Variants in RILPL1 observed in about 807,000 individuals in gnomAD.
RILPL1 encodes the protein RILP-like protein 1.
Under a neutral mutation model 50.3 loss-of-function variants are expected in RILPL1, and 33 were observed. The observed-to-expected ratio is 0.66, with a 90% confidence interval of 0.50 to 0.88. RILPL1 has a LOEUF of 0.88. RILPL1 is among the 40% of genes least tolerant of loss of function. RILPL1 has a pLI of 0.00. For synonymous variants in RILPL1, 205 were observed against 228.6 expected (o/e 0.90, Z 0.93); for missense variants, 418 against 542.5 (o/e 0.77, Z 2.28).
intron 2 of RILPL1, among the ~76,000 whole-genome samples, chr12:123,516,034 A>C (rs1212242721): frequency 2.6e-5 from 2 of 76,572 alleles, no homozygotes. Flanking sequence ...ACTCTGTCTC[A>C]AAAAAAAAAA....
rs560304303 is a variant in RILPL1 at position 123,522,327 on chromosome 12, A to G, written c.460+1168T>C. Among the ~76,000 whole-genome samples, 17 of 152,306 alleles carry G rather than the reference A, an allele frequency of 1.1e-4. 1 individual carries two copies. In the South Asian group the frequency reaches 3.5e-3, roughly 32 times the overall value. On this transcript the variant is annotated intron_variant, in intron 2 of 6. Transcript: ENST00000376874. The surrounding 1 kb of genome is among the most constrained non-coding windows in gnomAD (Gnocchi z 4.0). The stretch of plus-strand genomic sequence containing the variant: ...CCGCCTGGCCCGAATCTTGCGGCCC[A>G]TTTGTCCTTTTCCCAGCACCAGCAG...
Position 123,484,263 on chromosome 12 carries a change from C to T in RILPL1, c.984G>A (p.Met328Ile), listed in dbSNP as rs762942790. Residue 328 changes from methionine (M) to isoleucine (I), a missense_variant, in exon 6 of 7, where the codon ATG becomes ATA. Transcript: ENST00000376874. ...GTTGGGGTATTCGGTTTTCCTCTTC[C>T]ATTTCTTCACTGGAAGGAGATGAGA... ...EELAYYKSEE[M>I]EEENRIPQPP... The T allele has an allele frequency of 6.2e-7, 1 of 1,606,206 alleles. No homozygotes were observed. The highest frequency in any genetic ancestry group is 1.1e-5 in the South Asian group (1 of 90,928).
chr12:123,499,765 G>C (rs1482546474), intron 2 of RILPL1, among the ~76,000 whole-genome samples: 3 of 151,736 alleles, frequency 2.0e-5, no homozygotes, highest in African/African-American at 4.8e-5. Context: ...TTGCCCATCA[G>C]TCCCTTCCTT....
rs1313788180 is a variant in RILPL1 at position 123,522,786 on chromosome 12, G to A, written c.460+709C>T. ...TTTTAAAAAAATCGTTAGTAGAGACGGGGTCTATGTTGCCCAGGCTGGTCT... is the reference window on the plus strand; with the variant it reads ...TTTTAAAAAAATCGTTAGTAGAGACAGGGTCTATGTTGCCCAGGCTGGTCT... On this transcript the variant is annotated intron_variant, in intron 2 of 6. Transcript: ENST00000376874. This position sits in a 1 kb window ranked among gnomAD's most constrained non-coding sequence, Gnocchi z 4.0. Among the ~76,000 whole-genome samples the A allele has an allele frequency of 2.0e-5, 3 of 151,946 alleles. No individual in the cohort carries two copies. Among genetic ancestry groups the A allele is most frequent in the Admixed American group, 6.6e-5 (1 of 15,234 alleles).
Position 123,533,557 on chromosome 12 carries a change from C to A in RILPL1, c.-75G>T. The stretch of plus-strand genomic sequence containing the variant: ...AACTTGCCGCTGTCGAGGGCCGGGC[C>A]GGCCGGGCCCAGCCTGGGCCGCGGG... On this transcript the variant is annotated 5_prime_UTR_variant, in exon 1 of 7. Transcript: ENST00000376874. The surrounding 1 kb of genome is among the most constrained non-coding windows in gnomAD (Gnocchi z 6.2). 7.7e-7 allele frequency: 1 copy of A among 1,306,508 alleles called. No individual in the cohort carries two copies. Among genetic ancestry groups the A allele is most frequent in the Non-Finnish European group, 9.9e-7 (1 of 1,006,190 alleles). The allele number at this position is 1,306,508 out of a possible 1,614,324, so 80.9% of individuals were successfully genotyped here. A position where few individuals can be genotyped will look rare whatever the true frequency, so the allele number is the denominator to read the frequency against.
chr12:123,512,495 TGTG>T (rs1402590886), intron 2 of RILPL1, among the ~76,000 whole-genome samples: 3 of 132,436 alleles, frequency 2.3e-5, no homozygotes, highest in African/African-American at 8.7e-5. Flanking sequence ...TCTGTGTGTG[TGTG>T]GTGTGAGATC....
intron 5 of RILPL1, chr12:123,484,948 C>T (rs1456941584): frequency 4.8e-5 from 15 of 311,344 alleles, no homozygotes; most frequent in South Asian, 1.3e-4. Context: ...CATGAGCCAC[C>T]GCGCCCGGCC....
intron 6 of RILPL1, chr12:123,475,835 G>A (rs1223121732): frequency 2.5e-6 from 2 of 811,478 alleles, no homozygotes; most frequent in Non-Finnish European, 4.1e-6. Flanking sequence ...ACCAGTGGAA[G>A]GGTTTGATTA....
rs561060878 is a variant in RILPL1, at chr12:123,493,185, T to C, written c.801+5359A>G. ...TCTACTGAGATAGGGAAAAACCGCC[T>C]TAAGGCTGGAGGTGGGACATGCGGG... is the stretch of plus-strand genomic sequence containing the variant. On this transcript the variant is annotated intron_variant, in intron 4 of 6. Transcript: ENST00000376874. Among the ~76,000 whole-genome samples, 113 of 152,354 alleles carry C rather than the reference T, an allele frequency of 7.4e-4. No individual in the cohort carries two copies. The South Asian group carries it at 0.015, about 20-fold the overall frequency.
At chr12:123,484,787 G>C (rs1247594147) in intron 5 of RILPL1, 4 of 234,864 alleles carry the variant, frequency 1.7e-5, no homozygotes, top group Non-Finnish European at 3.4e-5. Flanking sequence ...CTCCCAAGTG[G>C]CTGGGACTAC....
chr12:123,484,051 G>A (rs936623004), intron 6 of RILPL1, 129 bp downstream of exon 6: 1 of 631,084 alleles, frequency 1.6e-6, no homozygotes, highest in Admixed American at 2.8e-5. Context: ...CGGGGGCCAG[G>A]CCAGACGTCT....
At chr12:123,486,288 C>T (rs1882328552) in intron 4 of RILPL1, among the ~76,000 whole-genome samples, 1 of 152,110 alleles carries the variant, frequency 6.6e-6, no homozygotes, top group Non-Finnish European at 1.5e-5. Context: ...TGTTATGGGC[C>T]TTCTGGTTAG....
At chr12:123,495,950 A>G (rs545453614) in intron 4 of RILPL1, among the ~76,000 whole-genome samples, 2 of 150,292 alleles carry the variant, frequency 1.3e-5, no homozygotes, top group Admixed American at 6.6e-5. Flanking sequence ...CAACTCTTAA[A>G]CCATTTTAAC....
chr12:123,519,069 AAAAAAG>A (rs1400038175), intron 2 of RILPL1, among the ~76,000 whole-genome samples: 7 of 149,236 alleles, frequency 4.7e-5, no homozygotes, highest in African/African-American at 9.8e-5. Flanking sequence ...AAAAAAAAAA[AAAAAAG>A]AAAAGAAAAA....
intron 1 of RILPL1, among the ~76,000 whole-genome samples, chr12:123,530,570 T>C (rs1885410537): frequency 6.6e-6 from 1 of 152,234 alleles, no homozygotes; most frequent in Admixed American, 6.5e-5. Context: ...TCATCTGTCA[T>C]GGTCATTACT....
chr12:123,504,359 G>A (rs924068948), intron 2 of RILPL1, among the ~76,000 whole-genome samples: 3 of 152,000 alleles, frequency 2.0e-5, no homozygotes, highest in Admixed American at 6.5e-5. Context: ...AGTCCTTGCC[G>A]CTGACCTCCT....
chr12:123,511,584 G>GGT (rs1426649906), intron 2 of RILPL1, among the ~76,000 whole-genome samples: 2 of 118,058 alleles, frequency 1.7e-5, no homozygotes, highest in African/African-American at 3.3e-5. Context: ...GTCTGTGGGT[G>GGT]GTGTGAGGTC....
Position 123,532,416 on chromosome 12 carries a change from C to G in RILPL1, c.309+758G>C, listed in dbSNP as rs149659465. Among the ~76,000 whole-genome samples the G allele has an allele frequency of 7.2e-5, 11 of 152,248 alleles. No individual in the cohort carries two copies. In the East Asian group the frequency reaches 1.9e-3, roughly 27 times the overall value. Reference sequence around the variant, plus strand: ...GCCACCCCAAATCATCCCTTTCCCCCAATTCAAACAGGGTGGGGAGGAGAC... The same window carrying G: ...GCCACCCCAAATCATCCCTTTCCCCGAATTCAAACAGGGTGGGGAGGAGAC... On this transcript the variant is annotated intron_variant, in intron 1 of 6. Coordinates refer to ENST00000376874, the MANE Select transcript of RILPL1 (RefSeq NM_178314.5).
At chr12:123,475,897 A>AT (rs375190049) in intron 6 of RILPL1, 6,861 of 391,016 alleles carry the variant, frequency 0.018, 71 homozygotes, top group African/African-American at 0.033. Flanking sequence ...TTCACTTAAA[A>AT]TTTTTTTTTT....
Sources: gnomAD v4.1 joint callset for allele counts (sites outside exome capture counted in the v4.1 genomes callset) on GRCh38, gnomAD v4.1.1 for gene constraint, Gnocchi (gnomAD v3.1) non-coding constraint, MANE v1.5 for transcripts, NCBI Gene and HGNC (gene_info 2026-07-23, HGNC 2026-07-21) for gene names.